MAP2K2: variants seen among roughly 807,000 people sequenced by gnomAD.
MAP2K2 encodes the protein dual specificity mitogen-activated protein kinase kinase 2.
A neutral mutation model predicts 43.7 loss-of-function variants in MAP2K2; 24 were observed. The ratio of observed to expected loss-of-function variants is 0.55; its 90% CI spans 0.40 to 0.77. The LOEUF is 0.77. Ranked by LOEUF, MAP2K2 falls within the 30% of genes least tolerant of loss-of-function variation. MAP2K2 has a pLI of 0.00. For missense variants in MAP2K2, 470 were observed against 566.8 expected (o/e 0.83, Z 1.73); for synonymous variants, 244 against 239.7 (o/e 1.02, Z -0.17).
At chr19:4,099,488 T>TAA (rs1211032613) in intron 6 of MAP2K2, 74 bp from the exon 7 acceptor site, 1 of 1,207,128 alleles carries the variant, frequency 8.3e-7, no homozygotes, top group Non-Finnish European at 1.2e-6. Context: ...CTTGCCCCGT[T>TAA]ACAGCCCCCG....
chr19:4,112,893 T>G (rs2041172788), intron 2 of MAP2K2, among the ~76,000 whole-genome samples: 1 of 152,208 alleles, frequency 6.6e-6, no homozygotes, highest in African/African-American at 2.4e-5. Flanking sequence ...AGCTTGGATG[T>G]TCACGTGGAG....
intron 7 of MAP2K2, 132 bp from the exon 8 acceptor site, chr19:4,097,475 G>A: frequency 1.4e-6 from 1 of 706,546 alleles, no homozygotes; most frequent in Non-Finnish European, 2.6e-6. Flanking sequence ...AGGCGGGTGT[G>A]CAGAGGCACT....
At chr19:4,098,425 G>A (rs1029712048) in intron 7 of MAP2K2, among the ~76,000 whole-genome samples, 4 of 152,106 alleles carry the variant, frequency 2.6e-5, no homozygotes, top group East Asian at 3.9e-4. Flanking sequence ...TTTGTAGTTC[G>A]GAAACATGGT....
chr19:4,103,796 C>T (rs762475848), intron 3 of MAP2K2, among the ~76,000 whole-genome samples: 63 of 152,332 alleles, frequency 4.1e-4, no homozygotes, highest in Non-Finnish European at 8.2e-4. Context: ...GTGACTCCAT[C>T]CACCAGCTCC....
chr19:4,103,042 C>T (rs948074755), intron 3 of MAP2K2: 21 of 1,038,444 alleles, frequency 2.0e-5, no homozygotes, highest in South Asian at 7.0e-5. Context: ...GTCTGCCCTG[C>T]GCCTGTCCCT....
chr19:4,118,945 A>G (rs2041260754), intron 1 of MAP2K2, among the ~76,000 whole-genome samples: 1 of 152,270 alleles, frequency 6.6e-6, no homozygotes, highest in African/African-American at 2.4e-5. Flanking sequence ...CAATGCACAC[A>G]GGAACCCATT....
At chr19:4,114,982 C>A (rs941913801) in intron 2 of MAP2K2, among the ~76,000 whole-genome samples, 1 of 152,034 alleles carries the variant, frequency 6.6e-6, no homozygotes, top group Non-Finnish European at 1.5e-5. Flanking sequence ...ATGAAAGGAG[C>A]CCTTGCAGCC....
chr19:4,116,815 A>G (rs1487049021), intron 2 of MAP2K2, among the ~76,000 whole-genome samples: 1 of 151,974 alleles, frequency 6.6e-6, no homozygotes, highest in Non-Finnish European at 1.5e-5. Flanking sequence ...CTGTAATCCC[A>G]GCTACTCGGG....
In MAP2K2 at chr19:4,095,423, C is replaced by T. The variant is rs1248311213; in HGVS notation, c.1011G>A (p.Val337=). The T allele has an allele frequency of 6.4e-7, 1 of 1,551,384 alleles. No homozygotes were observed. The highest frequency in any genetic ancestry group is 8.7e-7 in the Non-Finnish European group (1 of 1,146,876). ...CAAACTCCTGGAAGTCGGGGGTGAA[C>T]ACACCGTTGGGCAGCTTAGGAGGTG... ...NEPPPKLPNG[V]FTPDFQEFVN... Residue 337 remains valine, a synonymous_variant, in exon 9 of 11, where the codon GTG becomes GTA. Transcript: ENST00000262948.
chr19:4,117,731 G>A, intron 1 of MAP2K2, 102 bp from the exon 2 acceptor site: 2 of 1,025,570 alleles, frequency 2.0e-6, no homozygotes. Flanking sequence ...GACACAGACT[G>A]GATTCCTGCA....
rs2041209317 is a variant in MAP2K2, at chr19:4,115,512, T to C, written c.303+1907A>G. Among the ~76,000 whole-genome samples the C allele has an allele frequency of 1.3e-5, 2 of 152,220 alleles. No individual in the cohort carries two copies. The highest frequency in any genetic ancestry group is 4.1e-4 in the South Asian group (2 of 4,834). On this transcript the variant is annotated intron_variant, in intron 2 of 10. Coordinates refer to ENST00000262948, the MANE Select transcript of MAP2K2 (RefSeq NM_030662.4). The surrounding 1 kb of genome is among the most constrained non-coding windows in gnomAD (Gnocchi z 4.1). ...CTGTGTGAACCACACGCTTGCCTTT[T>C]TCCACCCAGTGCTTCGGGCGGAGGC...
chr19:4,103,562 G>C (rs2041046288), intron 3 of MAP2K2: 1 of 152,374 alleles, frequency 6.6e-6, no homozygotes, highest in South Asian at 2.1e-4. Flanking sequence ...TGGCTGGGGA[G>C]CCTGGATTTC....
Position 4,099,309 on chromosome 19 carries a change from C to A in MAP2K2, c.811G>T (p.Asp271Tyr), listed in dbSNP as rs758031424. The change falls in exon 7 of 11, where the codon GAC (aspartate) becomes TAC (tyrosine). Residue 271 changes from aspartate (D) to tyrosine (Y), a missense_variant. Asp to Tyr is a radical substitution (Grantham distance 160). Coordinates refer to ENST00000262948, the MANE Select transcript of MAP2K2 (RefSeq NM_030662.4). ...AAGATGGCCTCCAGCTCTTTGGCGT[C>A]GGGCGGGGGGATGGGGTACCTTCCG... The part of the protein sequence containing the change: ...AVGRYPIPPP[D>Y]AKELEAIFGR... 6.2e-7 allele frequency: 1 copy of A among 1,607,172 alleles called. No homozygotes were observed. Among genetic ancestry groups the A allele is most frequent in the Non-Finnish European group, 8.5e-7 (1 of 1,177,226 alleles).
intron 7 of MAP2K2, 79 bp from the exon 8 acceptor site, chr19:4,097,422 G>T: frequency 1.8e-6 from 2 of 1,097,136 alleles, no homozygotes; most frequent in Non-Finnish European, 2.8e-6. Context: ...CCAGGGGGCT[G>T]ATCACCACCA....
intron 1 of MAP2K2, among the ~76,000 whole-genome samples, chr19:4,121,580 C>G (rs866984097): frequency 1.0e-5 from 1 of 95,498 alleles, no homozygotes; most frequent in Non-Finnish European, 2.1e-5. Flanking sequence ...CAACATGACC[C>G]CCCGAGGACC....
chr19:4,118,454 T>C lies in MAP2K2; in HGVS notation c.93-825A>G, dbSNP rs529151440. On this transcript the variant is annotated intron_variant, in intron 1 of 10. Transcript: ENST00000262948. ...ATCAGGTAGGCACGGTGGTGCACGT[T>C]TGCAGTCCCAGCTACTTGGGAGGCT... Among the ~76,000 whole-genome samples the C allele has an allele frequency of 2.6e-5, 4 of 152,110 alleles. No individual in the cohort carries two copies. In the East Asian group the frequency reaches 7.7e-4, roughly 29 times the overall value.
intron 3 of MAP2K2, among the ~76,000 whole-genome samples, chr19:4,106,806 C>T (rs1423398425): frequency 6.6e-6 from 1 of 152,216 alleles, no homozygotes; most frequent in Non-Finnish European, 1.5e-5. Context: ...TTCACTTTGC[C>T]ACTGCAAAGC....
chr19:4,103,828 A>G (rs182611189), intron 3 of MAP2K2, among the ~76,000 whole-genome samples: 1 of 152,348 alleles, frequency 6.6e-6, no homozygotes, highest in Non-Finnish European at 1.5e-5. Context: ...GCAGACACAC[A>G]GGGTGAGAGG....
intron 8 of MAP2K2, 73 bp downstream of exon 8, chr19:4,097,206 A>T (rs1197502053): frequency 5.0e-6 from 1 of 199,514 alleles, no homozygotes; most frequent in Non-Finnish European, 7.6e-6. Flanking sequence ...GACTCTGCCT[A>T]AAAAAAAAAA....
Sources: allele counts gnomAD v4.1 joint callset (sites outside exome capture counted in the v4.1 genomes callset), GRCh38; gene constraint gnomAD v4.1.1; non-coding constraint Gnocchi (gnomAD v3.1); transcripts MANE v1.5; gene names NCBI Gene and HGNC (gene_info 2026-07-23, HGNC 2026-07-21).